The following USP3 variants were observed in gnomAD, a reference collection of about 807,000 sequenced individuals.
USP3 encodes ubiquitin specific peptidase 3, also known as ubiquitin carboxyl-terminal hydrolase 3.
Under a neutral mutation model 72.3 loss-of-function variants are expected in USP3, and 20 were observed. The observed-to-expected ratio is 0.28, with a 90% CI of 0.19 to 0.40. USP3 has a LOEUF of 0.40. Ranked by LOEUF, USP3 falls within the 10% of genes least tolerant of loss-of-function variation. The probability of loss-of-function intolerance (pLI) is 1.00; values close to 1 mark genes in which losing one functional copy is unlikely to be tolerated. For missense variants in USP3, 479 were observed against 633.9 expected (o/e 0.76, Z 2.62); for synonymous variants, 222 against 225.3 (o/e 0.99, Z 0.13).
chr15:63,556,584 G>A (rs2066512653), intron 4 of USP3, 83 bp from the exon 5 acceptor site: 1 of 1,108,810 alleles, frequency 9.0e-7, no homozygotes, highest in East Asian at 2.7e-5. Context: ...TAGGTGTTGA[G>A]GGCAGCTGGA....
chr15:63,575,846 G>A (rs1284846720), intron 11 of USP3, among the ~76,000 whole-genome samples: 1 of 152,034 alleles, frequency 6.6e-6, no homozygotes, highest in Non-Finnish European at 1.5e-5. Context: ...TATTTACAGT[G>A]GAAGTCAGTG....
chr15:63,576,404 G>A (rs767207341), intron 11 of USP3, among the ~76,000 whole-genome samples: 1 of 152,022 alleles, frequency 6.6e-6, no homozygotes, highest in Non-Finnish European at 1.5e-5. Context: ...TTTTTTCTAT[G>A]TTGTTTCCCT....
At chr15:63,522,936 TAA>T (rs1280399502) in intron 1 of USP3, among the ~76,000 whole-genome samples, 1 of 152,358 alleles carries the variant, frequency 6.6e-6, no homozygotes, top group African/African-American at 2.4e-5. Context: ...TGTATTCTAA[TAA>T]AGTTTTGACA....
chr15:63,523,939 CT>C (rs1401210453), intron 1 of USP3, among the ~76,000 whole-genome samples: 1 of 152,128 alleles, frequency 6.6e-6, no homozygotes, highest in Non-Finnish European at 1.5e-5. Flanking sequence ...GGATTTGTGC[CT>C]TTTAATGAAG....
At chr15:63,511,086 C>T (rs1427398249) in intron 1 of USP3, among the ~76,000 whole-genome samples, 2 of 151,670 alleles carry the variant, frequency 1.3e-5, no homozygotes, top group Non-Finnish European at 2.9e-5. Flanking sequence ...AACTTCAAAG[C>T]AGTTTGCTAG....
chr15:63,526,372 C>T (rs1838486261), intron 1 of USP3, among the ~76,000 whole-genome samples: 1 of 152,166 alleles, frequency 6.6e-6, no homozygotes, highest in African/African-American at 2.4e-5. Flanking sequence ...CTGCTCTGTG[C>T]CTCAGTTTCC....
rs201066393 is a variant in USP3 at position 63,581,345 on chromosome 15, T to G, written c.1096+6942T>G. Among the ~76,000 whole-genome samples the G allele has an allele frequency of 6.5e-4, 84 of 130,170 alleles. 1 individual carries two copies. The highest frequency in any genetic ancestry group is 1.9e-3 in the African/African-American group (66 of 34,266). 85.4% of individuals were successfully genotyped at this position (130,170 alleles called of 152,430 possible). A position where few individuals can be genotyped will look rare whatever the true frequency, so the allele number is the denominator to read the frequency against. On this transcript the variant is annotated intron_variant, in intron 11 of 14. Transcript: ENST00000380324. ...TTTATATGTATGTTTGTGTTGGTTTTTGTGTGTGTGTGTGTGTGTGTGTGT... is the reference window on the plus strand; with the variant it reads ...TTTATATGTATGTTTGTGTTGGTTTGTGTGTGTGTGTGTGTGTGTGTGTGT...
chr15:63,557,473 G>A (rs1295456176), intron 5 of USP3, among the ~76,000 whole-genome samples: 1 of 152,110 alleles, frequency 6.6e-6, no homozygotes, highest in African/African-American at 2.4e-5. Context: ...GTGTTGCTCA[G>A]GCTGGTCTCG....
In USP3 at chr15:63,591,540, A is replaced by AAAT. The variant is rs2152686135; in HGVS notation, c.*716_*718dup. On this transcript the variant is annotated 3_prime_UTR_variant, in exon 15 of 15. Coordinates refer to ENST00000380324, the MANE Select transcript of USP3 (RefSeq NM_006537.4). Reference sequence around the variant, plus strand: ...GGGAGGTAAGATGGGAGTAAAGACCAAATACATGTAATGTTTAAAAAAAAT... The same window carrying AAAT: ...GGGAGGTAAGATGGGAGTAAAGACCAAATAATACATGTAATGTTTAAAAAAAAT... 1 of 152,294 alleles carries AAAT rather than the reference A, an allele frequency of 6.6e-6. No individual in the cohort carries two copies. The highest frequency in any genetic ancestry group is 1.9e-4 in the East Asian group (1 of 5,194). The allele number at this position is 152,294 out of a possible 1,614,324, so 9.4% of individuals were successfully genotyped here. A position where few individuals can be genotyped will look rare whatever the true frequency, so the allele number is the denominator to read the frequency against.
chr15:63,585,214 C>T (rs1399687436), intron 11 of USP3, among the ~76,000 whole-genome samples: 5 of 152,022 alleles, frequency 3.3e-5, no homozygotes, highest in African/African-American at 1.2e-4. Flanking sequence ...ATTCAGGATT[C>T]CTTGAGAGTC....
chr15:63,520,492 C>A (rs1418232928), intron 1 of USP3, among the ~76,000 whole-genome samples: 4 of 150,262 alleles, frequency 2.7e-5, no homozygotes, highest in African/African-American at 9.8e-5. Flanking sequence ...GTTTTAGTCT[C>A]CCTTTTAATA....
intron 6 of USP3, 34 bp from the exon 7 acceptor site, chr15:63,559,823 T>A (rs1257390382): frequency 1.3e-6 from 2 of 1,559,520 alleles, no homozygotes; most frequent in South Asian, 1.2e-5. Context: ...TATTCTTTTC[T>A]TTTTAAAATA....
chr15:63,572,530 TAA>T (rs1213492093), intron 9 of USP3, among the ~76,000 whole-genome samples: 1 of 152,074 alleles, frequency 6.6e-6, no homozygotes, highest in Non-Finnish European at 1.5e-5. Flanking sequence ...AACAGTACTT[TAA>T]AAAGTAATAA....
In USP3 at chr15:63,529,188, TTTTC is replaced by T; in HGVS notation, c.92-3455_92-3452del. ...GCAGGTAGTAAAGTGGTTTTTTTTTTTTTCTTTTTTTTGAGATATATTAAAAGGC... is the reference window on the plus strand; with the variant it reads ...GCAGGTAGTAAAGTGGTTTTTTTTTTTTTTTTTTGAGATATATTAAAAGGC... On this transcript the variant is annotated intron_variant, in intron 1 of 14. Coordinates refer to ENST00000380324, the MANE Select transcript of USP3 (RefSeq NM_006537.4). This position sits in a 1 kb window ranked among gnomAD's most constrained non-coding sequence, Gnocchi z 4.2. 1.7e-6 allele frequency: 1 copy of T among 581,452 alleles called. No individual in the cohort carries two copies. The highest frequency in any genetic ancestry group is 2.8e-6 in the Non-Finnish European group (1 of 353,768). The allele number at this position is 581,452 out of a possible 1,614,324, so 36.0% of individuals were successfully genotyped here. A position where few individuals can be genotyped will look rare whatever the true frequency, so the allele number is the denominator to read the frequency against.
rs2066820004 is a variant in USP3, at chr15:63,573,941, C to T, written c.909-105C>T. 1.8e-5 allele frequency: 11 copies of T among 624,350 alleles called. No individual in the cohort carries two copies. In the East Asian group the frequency reaches 2.5e-4, roughly 14 times the overall value. 38.7% of individuals were successfully genotyped at this position (624,350 alleles called of 1,614,324 possible). ...GAAATAAATGACTTAAATATTCCCTCAAAGGCAGTCATCTGTAGGGGCTTT... is the reference window on the plus strand; with the variant it reads ...GAAATAAATGACTTAAATATTCCCTTAAAGGCAGTCATCTGTAGGGGCTTT... On this transcript the variant is annotated intron_variant, in intron 9 of 14. Transcript: ENST00000380324.
At chr15:63,578,980 T>A (rs2152680867) in intron 11 of USP3, among the ~76,000 whole-genome samples, 1 of 152,294 alleles carries the variant, frequency 6.6e-6, no homozygotes, top group East Asian at 1.9e-4. Context: ...AGCCCTCAAT[T>A]TTTAAAAAAT....
In USP3 at chr15:63,562,978, A is replaced by G; in HGVS notation, c.731A>G (p.Tyr244Cys). 1 of 1,611,990 alleles carries G rather than the reference A, an allele frequency of 6.2e-7. No homozygotes were observed. ...QTAFSPESLF[Y>C]VVWKIMPNFR... The stretch of plus-strand genomic sequence containing the variant: ...GCATTTAGCCCAGAGTCCTTATTTT[A>G]TGTTGTTTGGAAGATTATGCCAAAC... Residue 244 changes from tyrosine to cysteine, a missense_variant, in exon 8 of 15, where the codon TAT (tyrosine) becomes TGT (cysteine). Coordinates refer to ENST00000380324, the MANE Select transcript of USP3 (RefSeq NM_006537.4).
chr15:63,504,855 CG>C (rs2065686364), intron 1 of USP3, 25 bp downstream of exon 1: 3 of 1,558,872 alleles, frequency 1.9e-6, no homozygotes. Context: ...GGGCCGGCCC[CG>C]CAGCGCACCC....
intron 1 of USP3, among the ~76,000 whole-genome samples, chr15:63,505,478 G>C (rs2065700450): frequency 6.6e-6 from 1 of 152,252 alleles, no homozygotes; most frequent in Non-Finnish European, 1.5e-5. Flanking sequence ...TGCGGGCTGA[G>C]AAGCTCGGAG....
Sources: allele counts gnomAD v4.1 joint callset (sites outside exome capture counted in the v4.1 genomes callset), GRCh38; gene constraint gnomAD v4.1.1; non-coding constraint Gnocchi (gnomAD v3.1); transcripts MANE v1.5; gene names NCBI Gene and HGNC (gene_info 2026-07-23, HGNC 2026-07-21).